Variants in PRELID2 observed in about 807,000 individuals in gnomAD.
The protein encoded by PRELID2 is PRELI domain-containing protein 2.
Under a neutral mutation model 28.4 loss-of-function variants are expected in PRELID2, and 25 were observed. The observed-to-expected ratio is 0.88, with a 90% CI of 0.64 to 1.23. The LOEUF is 1.23. PRELID2 is among the 50% of genes most tolerant of loss of function. PRELID2 has a pLI of 0.00. For missense variants in PRELID2, 201 were observed against 214.4 expected (o/e 0.94, Z 0.39); for synonymous variants, 76 against 71.6 (o/e 1.06, Z -0.31).
At chr5:145,742,197 A>ATAC in intron 1 of PRELID2, among the ~76,000 whole-genome samples, 1 of 134,832 alleles carries the variant, frequency 7.4e-6, no homozygotes. Context: ...TATAAATAAT[A>ATAC]ATATATAAAT....
At chr5:145,489,269 C>T (rs1031625738) in intron 1 of PRELID2, among the ~76,000 whole-genome samples, 13 of 152,162 alleles carry the variant, frequency 8.5e-5, no homozygotes, top group Non-Finnish European at 1.2e-4. Context: ...ACCGGATAAA[C>T]GAAGCATCAT....
At chr5:145,341,987 G>A in the PRELID2 span, among the ~76,000 whole-genome samples, 1 of 152,110 alleles carries the variant, frequency 6.6e-6, no homozygotes, top group Non-Finnish European at 1.5e-5. Context: ...AAGATAAAGA[G>A]TGAATCCTAA....
the PRELID2 span, among the ~76,000 whole-genome samples, chr5:145,264,971 A>G: frequency 7.3e-4 from 83 of 113,872 alleles, no homozygotes; most frequent in Admixed American, 3.3e-3. Context: ...TGCAACTCTA[A>G]AAAAAAAAAA....
chr5:145,486,020 T>C (rs1752214271), intron 1 of PRELID2, among the ~76,000 whole-genome samples: 1 of 152,156 alleles, frequency 6.6e-6, no homozygotes, highest in South Asian at 2.1e-4. Context: ...AACACAGATA[T>C]AAAGTTTAAA....
At chr5:145,381,781 CAA>C in the PRELID2 span, 2 of 152,070 alleles carry the variant, frequency 1.3e-5, no homozygotes, top group Non-Finnish European at 2.9e-5. Flanking sequence ...TCAAGATAAT[CAA>C]CCTTCTATAA....
intron 1 of PRELID2, among the ~76,000 whole-genome samples, chr5:145,556,169 C>T (rs1202197862): frequency 2.2e-5 from 3 of 135,646 alleles, no homozygotes; most frequent in Non-Finnish European, 4.6e-5. Context: ...CAGAGCGAGA[C>T]TCTATCTCAA....
intron 1 of PRELID2, among the ~76,000 whole-genome samples, chr5:145,533,363 G>A (rs533480828): frequency 2.0e-4 from 30 of 152,090 alleles, no homozygotes; most frequent in African/African-American, 7.2e-4. Context: ...TCAATATCTT[G>A]AACTCAAATG....
chr5:145,569,662 C>T (rs769968216), intron 1 of PRELID2, among the ~76,000 whole-genome samples: 14 of 152,126 alleles, frequency 9.2e-5, no homozygotes, highest in Admixed American at 4.6e-4. Context: ...GTTTTCATTG[C>T]TCAGGTTAAG....
intron 4 of PRELID2, among the ~76,000 whole-genome samples, chr5:145,799,769 T>C (rs1753004663): frequency 6.6e-6 from 1 of 152,036 alleles, no homozygotes; most frequent in Non-Finnish European, 1.5e-5. Context: ...GGCTGAGAAG[T>C]TTAGGCTTTA....
At chr5:145,778,384 C>T (rs573307476) in intron 5 of PRELID2, among the ~76,000 whole-genome samples, 330 of 152,296 alleles carry the variant, frequency 2.2e-3, no homozygotes, top group African/African-American at 6.9e-3. Flanking sequence ...GCACACTCTA[C>T]GGGACACCCT....
rs1191298938 is a variant in PRELID2 at position 145,816,076 on chromosome 5, C to CTTTTT, written c.368+1813_368+1817dup. Among the ~76,000 whole-genome samples, 13 of 89,042 alleles carry CTTTTT rather than the reference C, an allele frequency of 1.5e-4. 1 individual carries two copies. Among genetic ancestry groups the CTTTTT allele is most frequent in the African/African-American group, 4.7e-4 (10 of 21,286 alleles). The allele number at this position is 89,042 out of a possible 152,430, so 58.4% of individuals were successfully genotyped here. ...ACAACCAATCCTTGTTATTGTGTGT[C>CTTTTT]TTTTTTTTTTTTTTTTTTTTTTTTT... On this transcript the variant is annotated intron_variant, in intron 4 of 6. Transcript: ENST00000683046.
the PRELID2 span, among the ~76,000 whole-genome samples, chr5:145,277,082 C>A: frequency 7.9e-5 from 12 of 152,002 alleles, no homozygotes; most frequent in Non-Finnish European, 1.8e-4. Flanking sequence ...TTGAGGGTAC[C>A]TTCTCTGTGC....
intron 1 of PRELID2, among the ~76,000 whole-genome samples, chr5:145,628,454 G>T (rs1258852383): frequency 1.3e-5 from 2 of 152,138 alleles, no homozygotes; most frequent in African/African-American, 4.8e-5. Context: ...CTCCTGAGTA[G>T]CTGGGACTAC....
intron 1 of PRELID2, among the ~76,000 whole-genome samples, chr5:145,551,539 T>C (rs1460081631): frequency 2.0e-5 from 3 of 152,180 alleles, no homozygotes; most frequent in African/African-American, 4.8e-5. Context: ...ATGACCAAAA[T>C]TGACTGGAGA....
the PRELID2 span, among the ~76,000 whole-genome samples, chr5:145,237,820 C>T: frequency 6.6e-6 from 1 of 152,098 alleles, no homozygotes; most frequent in Non-Finnish European, 1.5e-5. Flanking sequence ...TGTCCATGTG[C>T]TTCCCCATCT....
At chr5:145,482,265 C>T (rs1403639252) in intron 1 of PRELID2, among the ~76,000 whole-genome samples, 2 of 152,094 alleles carry the variant, frequency 1.3e-5, no homozygotes, top group African/African-American at 4.8e-5. Flanking sequence ...CATAGTCACA[C>T]CTAACAGCAA....
chr5:145,446,556 T>A, the PRELID2 span, among the ~76,000 whole-genome samples: 1 of 152,100 alleles, frequency 6.6e-6, no homozygotes, highest in Non-Finnish European at 1.5e-5. Flanking sequence ...CCTATGTAAG[T>A]TTAATGTGGC....
intron 5 of PRELID2, among the ~76,000 whole-genome samples, chr5:145,779,002 A>G (rs1425061607): frequency 6.6e-6 from 1 of 152,232 alleles, no homozygotes; most frequent in Non-Finnish European, 1.5e-5. Context: ...TCTGGGGCAT[A>G]GAAAGTACTC....
rs142425584 is a variant in PRELID2, at chr5:145,625,926, G to A, written n.70+139005C>T. Among the ~76,000 whole-genome samples the A allele has an allele frequency of 2.5e-3, 374 of 152,198 alleles. 4 individuals carry two copies. The highest frequency in any genetic ancestry group is 8.6e-3 in the African/African-American group (357 of 41,538). ...GACAAAGTTGGCAAAAATATACACT[G>A]GGGAAAGAATACCCTATTCAATAAA... On this transcript the variant is annotated intron_variant and non_coding_transcript_variant, in intron 1 of 2. Transcript: ENST00000510259.
Sources: allele counts gnomAD v4.1 joint callset (sites outside exome capture counted in the v4.1 genomes callset), GRCh38; gene constraint gnomAD v4.1.1; transcripts MANE v1.5; gene names NCBI Gene and HGNC (gene_info 2026-07-23, HGNC 2026-07-21).